The following CADPS2 variants were observed in gnomAD, a reference collection of about 807,000 sequenced individuals.
CADPS2 encodes calcium-dependent secretion activator 2.
Under a neutral mutation model 172.5 loss-of-function variants are expected in CADPS2, and 93 were observed. The observed-to-expected ratio is 0.54, with a 90% CI of 0.46 to 0.64. CADPS2 has a LOEUF of 0.64. CADPS2 is among the 30% of genes least tolerant of loss of function. CADPS2 has a pLI of 0.00. For synonymous variants in CADPS2, 546 were observed against 555.2 expected (o/e 0.98, Z 0.23); for missense variants, 1,420 against 1,565.9 (o/e 0.91, Z 1.57).
At chr7:122,880,207 C>T (rs1471695306) in intron 1 of CADPS2, among the ~76,000 whole-genome samples, 1 of 152,154 alleles carries the variant, frequency 6.6e-6, no homozygotes, top group Non-Finnish European at 1.5e-5. Flanking sequence ...CTTCCCAGTT[C>T]ATTCTGGAAT....
intron 1 of CADPS2, among the ~76,000 whole-genome samples, chr7:122,772,870 C>T (rs139240884): frequency 1.5e-3 from 225 of 152,160 alleles, no homozygotes; most frequent in African/African-American, 5.2e-3. Context: ...AAAATCTAAG[C>T]TCTTGACAGA....
intron 1 of CADPS2, among the ~76,000 whole-genome samples, chr7:122,762,213 A>C (rs930745710): frequency 5.3e-5 from 8 of 151,912 alleles, no homozygotes; most frequent in Non-Finnish European, 1.2e-4. Flanking sequence ...AAAAAGAAGA[A>C]GACAGAGAAA....
chr7:122,630,245 C>T (rs1473573103), intron 3 of CADPS2, among the ~76,000 whole-genome samples: 1 of 152,080 alleles, frequency 6.6e-6, no homozygotes, highest in Non-Finnish European at 1.5e-5. Context: ...GTTTACTTGT[C>T]ACTTTCCCAA....
At chr7:122,734,014 A>C (rs1298389515) in intron 2 of CADPS2, among the ~76,000 whole-genome samples, 2 of 151,976 alleles carry the variant, frequency 1.3e-5, no homozygotes, top group East Asian at 3.9e-4. Flanking sequence ...CACAAAGCAC[A>C]GGTTCAAAAT....
chr7:122,554,934 C>T (rs1278929232), intron 7 of CADPS2, among the ~76,000 whole-genome samples: 3 of 151,920 alleles, frequency 2.0e-5, no homozygotes, highest in Admixed American at 6.6e-5. Flanking sequence ...CACTTCATAA[C>T]GAATTAATAG....
At chr7:122,523,945 C>T (rs1253420679) in intron 8 of CADPS2, among the ~76,000 whole-genome samples, 2 of 152,098 alleles carry the variant, frequency 1.3e-5, no homozygotes, top group African/African-American at 4.8e-5. Flanking sequence ...AGGACTGGGA[C>T]TGTGAAAATC....
chr7:122,388,955 T>C (rs901868121), intron 22 of CADPS2, among the ~76,000 whole-genome samples: 6 of 152,008 alleles, frequency 3.9e-5, no homozygotes, highest in African/African-American at 1.2e-4. Flanking sequence ...ATAAATATGG[T>C]GGTAGGGTTT....
chr7:122,673,805 G>A (rs750905862), intron 2 of CADPS2, among the ~76,000 whole-genome samples: 7 of 152,038 alleles, frequency 4.6e-5, no homozygotes, highest in Non-Finnish European at 8.8e-5. Context: ...GTCCCGCACC[G>A]TGCACTGGCA....
intron 14 of CADPS2, among the ~76,000 whole-genome samples, chr7:122,457,210 T>C (rs544461046): frequency 5.3e-5 from 8 of 152,294 alleles, no homozygotes; most frequent in African/African-American, 1.9e-4. Context: ...AACTGGGCTG[T>C]AGAATCAGGC....
At chr7:122,716,935 T>C (rs2089695110) in intron 2 of CADPS2, among the ~76,000 whole-genome samples, 1 of 152,132 alleles carries the variant, frequency 6.6e-6, no homozygotes, top group African/African-American at 2.4e-5. Context: ...TGAACATGAC[T>C]TTTTCTACTA....
intron 2 of CADPS2, among the ~76,000 whole-genome samples, chr7:122,668,401 T>TAAA (rs1564012790): frequency 9.7e-4 from 47 of 48,658 alleles, no homozygotes; most frequent in African/African-American, 6.6e-3. Flanking sequence ...CAAAGTATGG[T>TAAA]TAAAAAAAAA....
chr7:122,733,197 A>C (rs1346550563), intron 2 of CADPS2, among the ~76,000 whole-genome samples: 2 of 151,874 alleles, frequency 1.3e-5, no homozygotes, highest in East Asian at 3.9e-4. Flanking sequence ...AAAATCATGA[A>C]ATGAAGGACA....
At chr7:122,367,168 C>T (rs1053369307) in intron 25 of CADPS2, among the ~76,000 whole-genome samples, 1 of 152,116 alleles carries the variant, frequency 6.6e-6, no homozygotes, top group African/African-American at 2.4e-5. Flanking sequence ...CAATTAATTT[C>T]ACCAGGCTAA....
At chr7:122,697,544 A>G (rs2085308342) in intron 2 of CADPS2, among the ~76,000 whole-genome samples, 1 of 152,182 alleles carries the variant, frequency 6.6e-6, no homozygotes, top group African/African-American at 2.4e-5. Context: ...ATAAATATAC[A>G]TATGTACACT....
intron 7 of CADPS2, among the ~76,000 whole-genome samples, chr7:122,573,611 A>G (rs2067565725): frequency 6.6e-6 from 1 of 152,120 alleles, no homozygotes; most frequent in Non-Finnish European, 1.5e-5. Flanking sequence ...TTTCATAGCA[A>G]CATTTCTAAA....
At chr7:122,348,039 G>T (rs947916567) in intron 27 of CADPS2, among the ~76,000 whole-genome samples, 1 of 152,146 alleles carries the variant, frequency 6.6e-6, no homozygotes, top group Non-Finnish European at 1.5e-5. Context: ...AAGGTAGTTG[G>T]GTACAGCCCA....
intron 1 of CADPS2, among the ~76,000 whole-genome samples, chr7:122,791,990 G>A (rs1038434274): frequency 2.0e-5 from 3 of 152,156 alleles, no homozygotes; most frequent in African/African-American, 7.2e-5. Context: ...GTAGACAACA[G>A]ATCAATTCCC....
intron 1 of CADPS2, among the ~76,000 whole-genome samples, chr7:122,879,143 A>ACT (rs771987969): frequency 1.1e-4 from 17 of 151,766 alleles, no homozygotes; most frequent in Non-Finnish European, 2.2e-4. Flanking sequence ...AGGCCGAGGC[A>ACT]CAAGAATCAG....
chr7:122,784,060 A>C (rs909695699), intron 1 of CADPS2, among the ~76,000 whole-genome samples: 5 of 152,198 alleles, frequency 3.3e-5, no homozygotes, highest in African/African-American at 1.2e-4. Context: ...ACGTCTATTT[A>C]ATTCTTCTTA....
Sources: allele counts gnomAD v4.1 joint callset (sites outside exome capture counted in the v4.1 genomes callset), GRCh38; gene constraint gnomAD v4.1.1; transcripts MANE v1.5; gene names NCBI Gene and HGNC (gene_info 2026-07-23, HGNC 2026-07-21).